GGACT: variants seen among roughly 807,000 people sequenced by gnomAD.
GGACT encodes the protein gamma-glutamylamine cyclotransferase.
For synonymous variants in GGACT, 118 were observed against 115.3 expected, an observed-to-expected ratio of 1.02 and a Z score of -0.15; for missense variants, 241 against 233.2, an observed-to-expected ratio of 1.03 and a Z score of -0.22.
chr13:100,570,801 CAGTAAATTTGTACCACAGAG>C (rs1464092808), intron 2 of GGACT, among the ~76,000 whole-genome samples: 12 of 152,094 alleles, frequency 7.9e-5, no homozygotes, highest in Admixed American at 5.2e-4. Flanking sequence ...AAGACTAATA[CAGTAAATTTGTACCACAGAG>C]ACTGGGGTGC....
At chr13:100,585,048 T>TA (rs1297028368) in intron 1 of GGACT, among the ~76,000 whole-genome samples, 2 of 152,166 alleles carry the variant, frequency 1.3e-5, no homozygotes, top group African/African-American at 2.4e-5. Context: ...AGCATGAACC[T>TA]AATTAAGCCT....
intron 2 of GGACT, among the ~76,000 whole-genome samples, chr13:100,546,928 G>A (rs908993946): frequency 4.6e-5 from 7 of 152,148 alleles, no homozygotes; most frequent in African/African-American, 1.7e-4. Flanking sequence ...TACGTCATCT[G>A]GCACGGCCCG....
chr13:100,560,218 A>C (rs138261365), intron 2 of GGACT, among the ~76,000 whole-genome samples: 41 of 152,240 alleles, frequency 2.7e-4, no homozygotes, highest in African/African-American at 9.9e-4. Context: ...TTGACCCTTT[A>C]AAAAAACGCA....
At chr13:100,567,157 A>T (rs561514488) in intron 2 of GGACT, among the ~76,000 whole-genome samples, 3 of 152,300 alleles carry the variant, frequency 2.0e-5, no homozygotes, top group Admixed American at 2.0e-4. Flanking sequence ...ATTCACTCTG[A>T]TCACTTAAGG....
chr13:100,588,091 G>A (rs1381455521), intron 1 of GGACT, among the ~76,000 whole-genome samples: 2 of 152,162 alleles, frequency 1.3e-5, no homozygotes, highest in South Asian at 2.1e-4. Context: ...TCAACTAAGC[G>A]TGGAGTTAAG....
intron 2 of GGACT, among the ~76,000 whole-genome samples, chr13:100,546,082 C>T (rs1028951333): frequency 1.3e-5 from 2 of 152,102 alleles, no homozygotes; most frequent in African/African-American, 2.4e-5. Context: ...AATAGATGGC[C>T]GGGCACAGTG....
chr13:100,574,347 G>A (rs571128698), intron 2 of GGACT, among the ~76,000 whole-genome samples: 43 of 152,272 alleles, frequency 2.8e-4, no homozygotes, highest in Non-Finnish European at 5.4e-4. Context: ...GGCTGAGGCC[G>A]GTGGAATCAC....
At position 100,530,543 on chromosome 13, in the gene GGACT, T is replaced by TGTCA. The variant is rs1481344147; in HGVS notation, c.*1583_*1586dup. ...GATCCTTTTAAGAGATTGATATAAA[T>TGTCA]GTCAGTCAGTTCTCTGCCTTGCTTT... On this transcript the variant is annotated 3_prime_UTR_variant, in exon 3 of 3. Transcript: ENST00000683975. 1 of 347,526 alleles carries TGTCA rather than the reference T, an allele frequency of 2.9e-6. No individual in the cohort carries two copies. The highest frequency in any genetic ancestry group is 5.5e-6 in the Non-Finnish European group (1 of 183,382). The allele number at this position is 347,526 out of a possible 1,614,324, so 21.5% of individuals were successfully genotyped here.
intron 2 of GGACT, among the ~76,000 whole-genome samples, chr13:100,572,431 AT>A (rs1388988897): frequency 6.6e-6 from 1 of 152,216 alleles, no homozygotes; most frequent in Non-Finnish European, 1.5e-5. Flanking sequence ...TGGATATAGA[AT>A]TTTAGTTTTA....
chr13:100,550,343 CACACACACACA>C (rs2088649850), intron 2 of GGACT, among the ~76,000 whole-genome samples: 4 of 60,424 alleles, frequency 6.6e-5, no homozygotes, highest in South Asian at 8.3e-4. Context: ...CACACACACA[CACACACACACA>C]CCACTGGCCC....
rs1410247604 is a variant in GGACT at position 100,534,888 on chromosome 13, G to T, written c.-10-2287C>A. On this transcript the variant is annotated intron_variant, in intron 2 of 2. Transcript: ENST00000683975. This position sits in a 1 kb window ranked among gnomAD's most constrained non-coding sequence, Gnocchi z 4.9. ...CTGCACCCTCTCTCCCCTCATCCAG[G>T]TGGCTCCTGCCCCGACCAGCGCCTG... 6.6e-6 allele frequency among the ~76,000 whole-genome samples: 1 copy of T among 152,178 alleles called. No individual in the cohort carries two copies. The highest frequency in any genetic ancestry group is 1.5e-5 in the Non-Finnish European group (1 of 68,024).
Position 100,531,319 on chromosome 13 carries a change from A to G in GGACT, c.*811T>C, listed in dbSNP as rs2088372470. 1 of 152,366 alleles carries G rather than the reference A, an allele frequency of 6.6e-6. No homozygotes were observed. Among genetic ancestry groups the G allele is most frequent in the Non-Finnish European group, 1.5e-5 (1 of 68,042 alleles). The allele number at this position is 152,366 out of a possible 1,614,324, so 9.4% of individuals were successfully genotyped here. A position where few individuals can be genotyped will look rare whatever the true frequency, so the allele number is the denominator to read the frequency against. On this transcript the variant is annotated 3_prime_UTR_variant, in exon 3 of 3. Coordinates refer to ENST00000683975, the MANE Select transcript of GGACT (RefSeq NM_001195087.2). ...GGCCTGAAGAACAAATTACTAATGC[A>G]TTGGCTCTTCTTTGAAAGGACTCAC...
At chr13:100,573,461 C>T (rs1374903498) in intron 2 of GGACT, among the ~76,000 whole-genome samples, 3 of 152,146 alleles carry the variant, frequency 2.0e-5, no homozygotes, top group Non-Finnish European at 2.9e-5. Context: ...TAATCCTTTA[C>T]TATTTCTGAT....
chr13:100,541,644 G>T (rs146155845), intron 2 of GGACT: 2 of 152,276 alleles, frequency 1.3e-5, no homozygotes, highest in East Asian at 3.9e-4. Context: ...TAGTGGTTGT[G>T]GCCTTAATGA....
intron 2 of GGACT, among the ~76,000 whole-genome samples, chr13:100,556,881 C>G (rs1367092166): frequency 6.6e-6 from 1 of 152,112 alleles, no homozygotes; most frequent in African/African-American, 2.4e-5. Flanking sequence ...AACAAAGTTT[C>G]TCTTTTTTTT....
At chr13:100,555,942 G>A (rs1424070008) in intron 2 of GGACT, among the ~76,000 whole-genome samples, 2 of 152,146 alleles carry the variant, frequency 1.3e-5, no homozygotes, top group African/African-American at 4.8e-5. Flanking sequence ...GCAAATTTGA[G>A]ATAAAAATTC....
intron 2 of GGACT, among the ~76,000 whole-genome samples, chr13:100,552,277 G>A (rs1284166617): frequency 6.6e-6 from 1 of 152,188 alleles, no homozygotes; most frequent in Non-Finnish European, 1.5e-5. Flanking sequence ...GACGAGGCAG[G>A]TGTTACTGTC....
chr13:100,582,066 G>A (rs1176514359), intron 2 of GGACT, among the ~76,000 whole-genome samples: 1 of 152,300 alleles, frequency 6.6e-6, no homozygotes, highest in Non-Finnish European at 1.5e-5. Flanking sequence ...TTGAACAATG[G>A]TTTTCCCTGT....
intron 2 of GGACT, among the ~76,000 whole-genome samples, chr13:100,578,665 A>G (rs1332845260): frequency 2.6e-5 from 4 of 152,224 alleles, no homozygotes; most frequent in Non-Finnish European, 4.4e-5. Context: ...TTGTTCATTT[A>G]TGAGATATAC....
Sources: allele counts gnomAD v4.1 joint callset (sites outside exome capture counted in the v4.1 genomes callset), GRCh38; gene constraint gnomAD v4.1.1; non-coding constraint Gnocchi (gnomAD v3.1); transcripts MANE v1.5; gene names NCBI Gene and HGNC (gene_info 2026-07-23, HGNC 2026-07-21).